The following SLC5A11 variants were observed in gnomAD, a reference collection of about 807,000 sequenced individuals.
SLC5A11 encodes the protein sodium/myo-inositol cotransporter 2.
SLC5A11 carries 48 observed loss-of-function variants against 69.8 expected under a neutral mutation model. The ratio of observed to expected loss-of-function variants is 0.69; its 90% CI spans 0.55 to 0.87. SLC5A11 has a LOEUF of 0.87. Ranked by LOEUF, SLC5A11 falls within the 40% of genes least tolerant of loss-of-function variation. The probability of loss-of-function intolerance (pLI) is 0.00; values close to 1 mark genes in which losing one functional copy is unlikely to be tolerated. For missense variants in SLC5A11, 784 were observed against 866.1 expected (o/e 0.91, Z 1.19); for synonymous variants, 319 against 342.4 (o/e 0.93, Z 0.75).
intron 5 of SLC5A11, among the ~76,000 whole-genome samples, chr16:24,874,301 A>G (rs1372477860): frequency 6.6e-6 from 1 of 152,176 alleles, no homozygotes; most frequent in Non-Finnish European, 1.5e-5. Flanking sequence ...ATTTTTATAA[A>G]TGTGTTCTTC....
At chr16:24,906,553 G>T in intron 10 of SLC5A11, 104 bp from the exon 12 acceptor site, 1 of 599,342 alleles carries the variant, frequency 1.7e-6, no homozygotes, top group African/African-American at 1.9e-5. Flanking sequence ...ATTTCATTGA[G>T]CTATAAACTT....
exon 15 of SLC5A11, chr16:24,910,393 T>C (rs1442908491): frequency 6.2e-7 from 1 of 1,614,044 alleles, no homozygotes; most frequent in Non-Finnish European, 8.5e-7. Context: ...TCTTACCCTC[T>C]CTCAGAACGG....
intron 10 of SLC5A11, among the ~76,000 whole-genome samples, chr16:24,900,322 G>A (rs2049488230): frequency 6.6e-6 from 1 of 152,180 alleles, no homozygotes; most frequent in South Asian, 2.1e-4. Flanking sequence ...AGAAAGGGTA[G>A]GATGAAGTGG....
chr16:24,867,485 A>C (rs2152286893), intron 3 of SLC5A11, among the ~76,000 whole-genome samples: 1 of 152,290 alleles, frequency 6.6e-6, no homozygotes, highest in South Asian at 2.1e-4. Flanking sequence ...AATTAAACCC[A>C]AAGCAAGCAG....
chr16:24,899,850 C>T (rs2049452674), intron 10 of SLC5A11, among the ~76,000 whole-genome samples: 1 of 151,392 alleles, frequency 6.6e-6, no homozygotes, highest in Non-Finnish European at 1.5e-5. Flanking sequence ...CTACGGGTGC[C>T]CACCACCATG....
intron 3 of SLC5A11, among the ~76,000 whole-genome samples, chr16:24,868,451 T>C (rs1036443766): frequency 4.9e-4 from 73 of 148,958 alleles, no homozygotes; most frequent in South Asian, 1.5e-3. Flanking sequence ...AAAAAAAAAT[T>C]AGCCGGGCGT....
intron 3 of SLC5A11, among the ~76,000 whole-genome samples, chr16:24,863,145 T>G (rs1262095602): frequency 2.7e-5 from 4 of 148,620 alleles, no homozygotes; most frequent in African/African-American, 9.8e-5. Flanking sequence ...ATCACAACCT[T>G]AAATAGAAAA....
At chr16:24,909,344 T>C (rs1281273825) in intron 14 of SLC5A11, among the ~76,000 whole-genome samples, 1 of 152,016 alleles carries the variant, frequency 6.6e-6, no homozygotes, top group Non-Finnish European at 1.5e-5. Context: ...TTACTGTCAT[T>C]AAGTAAACAT....
intron 9 of SLC5A11, among the ~76,000 whole-genome samples, chr16:24,895,207 G>A (rs960214106): frequency 1.3e-5 from 2 of 151,974 alleles, no homozygotes; most frequent in East Asian, 1.9e-4. Flanking sequence ...AAACAGACCC[G>A]GCTGGGTGTG....
At chr16:24,852,085 G>A (rs374085434) in intron 1 of SLC5A11, among the ~76,000 whole-genome samples, 353 of 149,610 alleles carry the variant, frequency 2.4e-3, no homozygotes, top group Non-Finnish European at 4.2e-3. Flanking sequence ...TGGCAAAATA[G>A]TACTATTTTG....
intron 10 of SLC5A11, among the ~76,000 whole-genome samples, chr16:24,901,441 C>A (rs1048232716): frequency 1.3e-5 from 2 of 151,750 alleles, no homozygotes; most frequent in African/African-American, 4.8e-5. Flanking sequence ...GTGATGAAAC[C>A]TCGTATCTAC....
At chr16:24,876,461 A>G (rs1253848212) in intron 6 of SLC5A11, among the ~76,000 whole-genome samples, 1 of 152,122 alleles carries the variant, frequency 6.6e-6, no homozygotes, top group Non-Finnish European at 1.5e-5. Context: ...CAGATCTCCT[A>G]GGAAGTGGCA....
At chr16:24,873,759 G>A (rs1394876892) in intron 5 of SLC5A11, among the ~76,000 whole-genome samples, 2 of 151,442 alleles carry the variant, frequency 1.3e-5, no homozygotes, top group South Asian at 2.1e-4. Context: ...CTGCATACCT[G>A]AACAATGCAG....
rs142829738 is a variant in SLC5A11 at position 24,890,415 on chromosome 16, C to T, written c.665-454C>T. Among the ~76,000 whole-genome samples the T allele has an allele frequency of 7.3e-3, 964 of 131,180 alleles. 11 individuals are homozygous for T. The highest frequency in any genetic ancestry group is 0.026 in the African/African-American group (918 of 35,686). The allele number at this position is 131,180 out of a possible 152,430, so 86.1% of individuals were successfully genotyped here. ...AGGAGAATCGTTTGAACCTGGGAGG[C>T]GGAGGTGGCAGTGAGCCAAGATCAT... On this transcript the variant is annotated intron_variant, in intron 8 of 15. Coordinates refer to ENST00000347898, the Ensembl canonical transcript of SLC5A11.
chr16:24,861,751 AAG>A (rs139353480), intron 2 of SLC5A11, among the ~76,000 whole-genome samples: 22,444 of 147,704 alleles, frequency 0.15, 1,912 homozygotes, highest in Non-Finnish European at 0.19. Context: ...AAGAAAGAAA[AAG>A]AAGGAAAGAA....
At chr16:24,906,481 G>A (rs1010013595) in intron 10 of SLC5A11, among the ~76,000 whole-genome samples, 176 bp from the exon 12 acceptor site, 4 of 152,104 alleles carry the variant, frequency 2.6e-5, no homozygotes, top group African/African-American at 9.7e-5. Context: ...TACAAATAGG[G>A]CAACTCGTCT....
At chr16:24,905,628 A>ACGCG (rs148096402) in intron 10 of SLC5A11, among the ~76,000 whole-genome samples, 3,032 of 128,252 alleles carry the variant, frequency 0.024, 62 homozygotes, top group African/African-American at 0.046. Flanking sequence ...TCTCAAAAAC[A>ACGCG]CGCGCGCGCG....
chr16:24,884,530 T>C (rs1326578971), intron 8 of SLC5A11, among the ~76,000 whole-genome samples: 3 of 112,098 alleles, frequency 2.7e-5, no homozygotes, highest in African/African-American at 9.8e-5. Flanking sequence ...TTTTTTTTTT[T>C]TGTAGAGATA....
chr16:24,881,732 C>G (rs989934604), intron 7 of SLC5A11, among the ~76,000 whole-genome samples: 1 of 152,152 alleles, frequency 6.6e-6, no homozygotes, highest in African/African-American at 2.4e-5. Flanking sequence ...AGATGAGAAC[C>G]TGCTTGAGCA....
Sources: gnomAD v4.1 joint callset for allele counts (sites outside exome capture counted in the v4.1 genomes callset) on GRCh38, gnomAD v4.1.1 for gene constraint, MANE v1.5 for transcripts, NCBI Gene and HGNC (gene_info 2026-07-23, HGNC 2026-07-21) for gene names.